Variants in POM121 observed in about 807,000 individuals in gnomAD.
The protein encoded by POM121 is nuclear envelope pore membrane protein POM 121.
Under a neutral mutation model 81.3 loss-of-function variants are expected in POM121, and 32 were observed. The observed-to-expected ratio is 0.39, with a 90% confidence interval of 0.30 to 0.53. POM121 has a LOEUF of 0.53. Among genes scored for constraint, POM121 ranks in the 20% least tolerant of loss-of-function variants. The pLI, the probability that POM121 is intolerant of heterozygous loss-of-function variation, is 0.66. For missense variants in POM121, 1,138 were observed against 1,614.6 expected, an observed-to-expected ratio of 0.70 and a Z score of 5.06; for synonymous variants, 514 against 694.2, an observed-to-expected ratio of 0.74 and a Z score of 4.08.
intron 1 of POM121, among the ~76,000 whole-genome samples, chr7:72,886,117 CCA>C: frequency 6.6e-6 from 1 of 152,134 alleles, no homozygotes; most frequent in South Asian, 2.1e-4. Context: ...GGTATCAGTG[CCA>C]CACACTATCT....
intron 7 of POM121, 93 bp from the exon 8 acceptor site, chr7:72,939,754 T>C (rs1276393290): frequency 4.3e-6 from 7 of 1,609,946 alleles, no homozygotes; most frequent in African/African-American, 1.3e-5. Flanking sequence ...AGATACCCAT[T>C]GAAAACTCAA....
At position 72,943,356 on chromosome 7, in the gene POM121, C is replaced by T; in HGVS notation, c.3363C>T (p.Ser1121=). 1 of 1,612,784 alleles carries T rather than the reference C, an allele frequency of 6.2e-7. No homozygotes were observed. The highest frequency in any genetic ancestry group is 1.7e-5 in the Admixed American group (1 of 59,942). The change falls in exon 11 of 13, where the codon AGC becomes AGT. Residue 1121 remains serine (S), a synonymous_variant. Transcript: ENST00000434423. ...TCAATGTGGCCACCCCAGGCTCCAG[C>T]ACCACCACCGGAGCTTTCAGCTTTG... ...FGINVATPGS[S]TTTGAFSFGA... is the part of the protein sequence containing the mutation.
downstream of POM121, chr7:72,950,120 C>T (rs782682832): frequency 3.8e-5 from 60 of 1,599,612 alleles, 1 homozygote; most frequent in Non-Finnish European, 4.9e-5. Context: ...TCTGTCTGGG[C>T]GGGAAACACC....
chr7:72,918,596 T>C (rs1302434161), intron 4 of POM121, among the ~76,000 whole-genome samples: 1 of 152,210 alleles, frequency 6.6e-6, no homozygotes, highest in Non-Finnish European at 1.5e-5. Flanking sequence ...CAAGATCTAG[T>C]ATAACTCTTG....
intron 3 of POM121, among the ~76,000 whole-genome samples, chr7:72,904,481 T>G (rs1793036083): frequency 6.6e-6 from 1 of 152,184 alleles, no homozygotes; most frequent in African/African-American, 2.4e-5. Flanking sequence ...AGATCAGTCC[T>G]TTTGGCAGCC....
intron 2 of POM121, chr7:72,890,930 C>T: frequency 1.7e-6 from 2 of 1,179,766 alleles, no homozygotes; most frequent in Non-Finnish European, 2.5e-6. Flanking sequence ...TTCTGTTATG[C>T]AGCTTATGAG....
rs1270832077 is a variant in POM121, at chr7:72,925,489, G to A, written c.368G>A (p.Arg123Gln). Residue 123 changes from arginine (R) to glutamine (Q), a missense_variant, in exon 1 of 13, where the codon CGG (arginine) becomes CAG (glutamine). Around this residue, in one of 7 missense-constraint regions of POM121, gnomAD observed 646 missense variants for 633.5 expected, o/e 1.02. Coordinates refer to ENST00000434423, the MANE Select transcript of POM121 (RefSeq NM_001387691.1). Reference protein sequence around the residue: ...STANGNLLEPRTLLEGPDPAE... With the variant: ...STANGNLLEPQTLLEGPDPAE... ...GCCAACGGAAACCTCCTAGAGCCGC[G>A]GACCCTGCTCGAAGGACCTGACCCT... The A allele has an allele frequency of 2.7e-5, 41 of 1,533,594 alleles. No individual in the cohort carries two copies. The highest frequency in any genetic ancestry group is 3.5e-5 in the Non-Finnish European group (40 of 1,146,530). 95.0% of individuals were successfully genotyped at this position (1,533,594 alleles called of 1,614,324 possible).
At chr7:72,899,796 G>T (rs1285674293) in intron 3 of POM121, among the ~76,000 whole-genome samples, 2 of 151,672 alleles carry the variant, frequency 1.3e-5, no homozygotes, top group South Asian at 2.1e-4. Context: ...AGCCAGGATG[G>T]TCTCAATCTC....
chr7:72,938,976 C>T (rs1796796825), intron 6 of POM121, among the ~76,000 whole-genome samples: 1 of 152,212 alleles, frequency 6.6e-6, no homozygotes, highest in Non-Finnish European at 1.5e-5. Flanking sequence ...AGCGGGCAGT[C>T]GCCTTCAGGT....
intron 4 of POM121, chr7:72,913,863 G>C (rs531937045): frequency 6.6e-6 from 1 of 152,288 alleles, no homozygotes; most frequent in Non-Finnish European, 1.5e-5. Context: ...TTCCATGACA[G>C]CCTGTAGCAG....
rs1795419102 is a variant in POM121 at position 72,926,111 on chromosome 7, G to A, written c.645-151G>A. ...ACTCTCTGGCCTTAGATGGAATAAG[G>A]GAAAGTTGCCATAAAAACACCGTGT... On this transcript the variant is annotated intron_variant, in intron 1 of 12. Transcript: ENST00000434423. The A allele has an allele frequency of 3.5e-6, 3 of 848,782 alleles. No individual in the cohort carries two copies. The South Asian group carries it at 5.3e-5, about 15-fold the overall frequency. The allele number at this position is 848,782 out of a possible 1,614,324, so 52.6% of individuals were successfully genotyped here. A position where few individuals can be genotyped will look rare whatever the true frequency, so the allele number is the denominator to read the frequency against.
intron 1 of POM121, among the ~76,000 whole-genome samples, chr7:72,888,609 A>G (rs1418562077): frequency 2.0e-5 from 3 of 152,012 alleles, no homozygotes; most frequent in Non-Finnish European, 1.5e-5. Context: ...TCTTAGTGGG[A>G]AGATATGTAG....
intron 3 of POM121, among the ~76,000 whole-genome samples, chr7:72,895,066 C>G (rs1484320896): frequency 7.2e-5 from 11 of 152,056 alleles, no homozygotes; most frequent in Non-Finnish European, 1.2e-4. Flanking sequence ...GACCTCAAGC[C>G]GTCCTCCCAC....
chr7:72,949,523 A>T (rs782660804), downstream of POM121: 8 of 1,024,066 alleles, frequency 7.8e-6, no homozygotes, highest in Non-Finnish European at 1.0e-5. Flanking sequence ...GGGTGAGCTG[A>T]GCATGCATGG....
chr7:72,897,285 ATACT>A (rs1458630780), intron 3 of POM121, among the ~76,000 whole-genome samples: 1 of 152,212 alleles, frequency 6.6e-6, no homozygotes, highest in African/African-American at 2.4e-5. Flanking sequence ...CACTGATAAG[ATACT>A]TAGAGAGCTG....
At chr7:72,927,583 G>T (rs1226465698) in intron 3 of POM121, among the ~76,000 whole-genome samples, 1 of 151,922 alleles carries the variant, frequency 6.6e-6, no homozygotes, top group East Asian at 1.9e-4. Flanking sequence ...GGTGGTGGGC[G>T]CCTGTGATCC....
In POM121 at chr7:72,942,998, C is replaced by A; in HGVS notation, c.3005C>A (p.Ala1002Asp). ...GSSFTFGNSA[A>D]PAAAPTPAPP... ...TCTTTCACTTTTGGAAACTCTGCAGCCCCGGCTGCTGCACCCACACCTGCA... is the reference window on the plus strand; with the variant it reads ...TCTTTCACTTTTGGAAACTCTGCAGACCCGGCTGCTGCACCCACACCTGCA... The change falls in exon 11 of 13, where the codon GCC becomes GAC. Residue 1002 changes from alanine (A) to aspartate (D), a missense_variant. This residue lies in a region of POM121 where 336 missense variants were observed against 344.3 expected (regional missense o/e 0.98). Transcript: ENST00000434423. 6.2e-7 allele frequency: 1 copy of A among 1,613,386 alleles called. No individual in the cohort carries two copies. Among genetic ancestry groups the A allele is most frequent in the Non-Finnish European group, 8.5e-7 (1 of 1,179,758 alleles).
At chr7:72,881,069 T>G (rs1392648518) in intron 1 of POM121, among the ~76,000 whole-genome samples, 5 of 55,722 alleles carry the variant, frequency 9.0e-5, no homozygotes, top group Admixed American at 2.1e-4. Context: ...TATCACTCTT[T>G]TTTTTTTTTT....
chr7:72,924,165 C>T (rs1176212588), upstream of POM121, among the ~76,000 whole-genome samples: 2 of 151,260 alleles, frequency 1.3e-5, no homozygotes, highest in Non-Finnish European at 2.9e-5. Flanking sequence ...CCAGGATGGT[C>T]TCGATCTCCT....
Sources: gnomAD v4.1 joint callset for allele counts (sites outside exome capture counted in the v4.1 genomes callset) on GRCh38, gnomAD v4.1.1 for gene constraint, gnomAD v4.1.1 regional missense constraint, MANE v1.5 for transcripts, NCBI Gene and HGNC (gene_info 2026-07-23, HGNC 2026-07-21) for gene names.